The following ZBED6 variants were observed in gnomAD, a reference collection of about 807,000 sequenced individuals.
ZBED6 encodes the protein zinc finger BED domain-containing protein 6.
In ZBED6, 40 loss-of-function variants were observed where a neutral mutation model predicts 58.4. That is an observed-to-expected ratio of 0.68 (90% CI 0.53 to 0.89). The LOEUF (loss-of-function observed/expected upper bound fraction) is 0.89. ZBED6 is among the 40% of genes least tolerant of loss of function. The pLI is 0.00. For synonymous variants in ZBED6, 439 were observed against 350.6 expected (o/e 1.25, Z -2.82); for missense variants, 1,057 against 1,003.9 (o/e 1.05, Z -0.71).
At chr1:203,820,112 G>T (rs1300087974) in intron 3 of ZBED6, among the ~76,000 whole-genome samples, 1 of 151,710 alleles carries the variant, frequency 6.6e-6, no homozygotes, top group East Asian at 2.0e-4. Context: ...GCACGCGTCT[G>T]TAATCCCAGC....
intron 8 of ZBED6, among the ~76,000 whole-genome samples, chr1:203,833,413 C>T (rs1203838609): frequency 6.7e-6 from 1 of 149,762 alleles, no homozygotes; most frequent in Non-Finnish European, 1.5e-5. Flanking sequence ...GCGCAGTAGT[C>T]CCAGCTACTT....
At chr1:203,803,214 G>A (rs770989754) in intron 1 of ZBED6, among the ~76,000 whole-genome samples, 198 bp downstream of exon 1, 4 of 151,654 alleles carry the variant, frequency 2.6e-5, no homozygotes, top group East Asian at 3.8e-4. Context: ...TTTTGGAGAC[G>A]GAGTTTTACT....
intron 14 of ZBED6, 166 bp from the exon 15 acceptor site, chr1:203,850,349 C>A: frequency 1.0e-6 from 1 of 980,118 alleles, no homozygotes. Context: ...CCTGTAGTGA[C>A]CACCATGTGA....
At chr1:203,823,669 T>C (rs529108087) in intron 3 of ZBED6, among the ~76,000 whole-genome samples, 1 of 152,350 alleles carries the variant, frequency 6.6e-6, no homozygotes, top group South Asian at 2.1e-4. Flanking sequence ...GCTAACTCTT[T>C]TCTGCACTGA....
chr1:203,850,906 A>G, intron 15 of ZBED6, 151 bp from the exon 16 acceptor site: 1 of 1,183,590 alleles, frequency 8.4e-7, no homozygotes, highest in East Asian at 2.3e-5. Flanking sequence ...TATTTTGCTT[A>G]TTTATATACT....
chr1:203,828,780 T>G (rs1572166794), intron 4 of ZBED6, among the ~76,000 whole-genome samples: 1 of 152,208 alleles, frequency 6.6e-6, no homozygotes, highest in East Asian at 1.9e-4. Flanking sequence ...GCCCATTCAT[T>G]TACATATTTT....
chr1:203,797,486 A>G, exon 1 of ZBED6: 1 of 1,456,920 alleles, frequency 6.9e-7, no homozygotes, highest in Non-Finnish European at 9.0e-7. Flanking sequence ...TAAACCCACT[A>G]ACAGATTCTG....
intron 10 of ZBED6, among the ~76,000 whole-genome samples, chr1:203,838,954 C>CAAAAAAA (rs59033094): frequency 2.1e-4 from 21 of 97,822 alleles, no homozygotes; most frequent in African/African-American, 3.9e-4. Context: ...GACTTCATCT[C>CAAAAAAA]AAAAAAAAAA....
In ZBED6 at chr1:203,815,216, C is replaced by CTTTTTTTTTTTTTT. The variant is rs59254922; in HGVS notation, c.*2555-1707_*2555-1694dup. Among the ~76,000 whole-genome samples, 31 of 97,144 alleles carry CTTTTTTTTTTTTTT rather than the reference C, an allele frequency of 3.2e-4. 1 individual carries two copies. Among genetic ancestry groups the CTTTTTTTTTTTTTT allele is most frequent in the Non-Finnish European group, 4.3e-4 (22 of 51,634 alleles). The allele number at this position is 97,144 out of a possible 152,430, so 63.7% of individuals were successfully genotyped here. A position where few individuals can be genotyped will look rare whatever the true frequency, so the allele number is the denominator to read the frequency against. ...TTCATTATTTTCTTCCTTTTCTTTT[C>CTTTTTTTTTTTTTT]TTTTTTTTTTTTTTTTGAGACAGTG... is the stretch of plus-strand genomic sequence containing the variant. On this transcript the variant is annotated intron_variant, in intron 1 of 16. Transcript: ENST00000550078.
intron 1 of ZBED6, among the ~76,000 whole-genome samples, chr1:203,810,462 C>T (rs1184441780): frequency 6.0e-5 from 9 of 149,966 alleles, no homozygotes; most frequent in African/African-American, 2.0e-4. Context: ...CTCTGTCGCC[C>T]AGGCTAGAGT....
exon 13 of ZBED6, chr1:203,848,337 A>G: frequency 6.2e-7 from 1 of 1,612,636 alleles, no homozygotes; most frequent in East Asian, 2.2e-5. Context: ...ACAGGGATGA[A>G]AGAAGAGAAG....
chr1:203,836,567 G>C (rs1684414628), intron 9 of ZBED6, among the ~76,000 whole-genome samples: 1 of 152,160 alleles, frequency 6.6e-6, no homozygotes, highest in Non-Finnish European at 1.5e-5. Context: ...GATCAACATG[G>C]TGAAACTACT....
chr1:203,798,419 C>T (rs780630170), exon 1 of ZBED6: 5 of 1,533,856 alleles, frequency 3.3e-6, no homozygotes, highest in Non-Finnish European at 3.5e-6. Context: ...GGCCAGGGTC[C>T]CACTTAGGGA....
At chr1:203,798,119 T>C in exon 1 of ZBED6, 1 of 1,536,174 alleles carries the variant, frequency 6.5e-7, no homozygotes, top group Non-Finnish European at 8.7e-7. Context: ...AGGAGGACTT[T>C]ACCTTGGATG....
intron 14 of ZBED6, 36 bp from the exon 15 acceptor site, chr1:203,850,479 T>G: frequency 6.2e-7 from 1 of 1,612,632 alleles, no homozygotes; most frequent in Non-Finnish European, 8.5e-7. Context: ...AAGAGTCTAT[T>G]CTCACTGCTT....
chr1:203,837,971 G>A, exon 10 of ZBED6: 2 of 1,612,636 alleles, frequency 1.2e-6, no homozygotes, highest in Non-Finnish European at 1.7e-6. Flanking sequence ...TATAGGCGGT[G>A]ACAGTGATCC....
At position 203,840,389 on chromosome 1, in the gene ZBED6, A is replaced by C. The variant is rs763995741; in HGVS notation, c.*3741+15A>C. 3.1e-6 allele frequency: 5 copies of C among 1,608,762 alleles called. No homozygotes were observed. The African/African-American group carries it at 6.7e-5, about 22-fold the overall frequency. On this transcript the variant is annotated intron_variant, in intron 11 of 16. Transcript: ENST00000550078. ...GGATGCAACAGGTAAGTAAATCCTAAGACCAGATTCTGATTATTTTTTTCT... is the reference window on the plus strand; with the variant it reads ...GGATGCAACAGGTAAGTAAATCCTACGACCAGATTCTGATTATTTTTTTCT...
At chr1:203,826,855 G>A (rs765594790) in intron 3 of ZBED6, among the ~76,000 whole-genome samples, 2 of 151,980 alleles carry the variant, frequency 1.3e-5, no homozygotes, top group African/African-American at 4.8e-5. Flanking sequence ...GTGCAAAATC[G>A]TAATCTTACA....
At chr1:203,811,634 G>A (rs1174357260) in intron 1 of ZBED6, among the ~76,000 whole-genome samples, 1 of 152,018 alleles carries the variant, frequency 6.6e-6, no homozygotes, top group Non-Finnish European at 1.5e-5. Context: ...TTAGCCTCCC[G>A]AGTAGCTGAG....
Sources: gnomAD v4.1 joint callset for allele counts (sites outside exome capture counted in the v4.1 genomes callset) on GRCh38, gnomAD v4.1.1 for gene constraint, MANE v1.5 for transcripts, NCBI Gene and HGNC (gene_info 2026-07-23, HGNC 2026-07-21) for gene names.